Variants in CFAP77 observed in about 807,000 individuals in gnomAD.
CFAP77 encodes cilia and flagella associated protein 77, also known as cilia- and flagella-associated protein 77.
Under a neutral mutation model 31.1 loss-of-function variants are expected in CFAP77, and 25 were observed. The observed-to-expected ratio is 0.80, with a 90% CI of 0.59 to 1.12. The LOEUF (loss-of-function observed/expected upper bound fraction) is 1.12. Among genes scored for constraint, CFAP77 ranks in the 50% most tolerant of loss-of-function variants. CFAP77 has a pLI of 0.00. For synonymous variants in CFAP77, 151 were observed against 159.9 expected (o/e 0.94, Z 0.42); for missense variants, 377 against 397.3 (o/e 0.95, Z 0.44).
At chr9:132,570,788 C>G (rs1243349381) in intron 5 of CFAP77, among the ~76,000 whole-genome samples, 1 of 152,174 alleles carries the variant, frequency 6.6e-6, no homozygotes, top group Admixed American at 6.5e-5. Context: ...GAGGTGTAGG[C>G]AGCACCCTAG....
intron 1 of CFAP77, among the ~76,000 whole-genome samples, chr9:132,458,863 A>G (rs1204519826): frequency 6.6e-6 from 1 of 152,198 alleles, no homozygotes; most frequent in African/African-American, 2.4e-5. Context: ...ATGTGCAAGG[A>G]AATAAAAGGG....
intron 3 of CFAP77, among the ~76,000 whole-genome samples, chr9:132,529,601 C>T (rs1397699688): frequency 2.6e-5 from 4 of 151,088 alleles, no homozygotes; most frequent in Admixed American, 2.6e-4. Context: ...CCGAGGCGGA[C>T]GGATCACGAG....
intron 1 of CFAP77, among the ~76,000 whole-genome samples, chr9:132,485,985 CATATAT>C (rs61265124): frequency 1.8e-3 from 98 of 53,470 alleles, no homozygotes; most frequent in South Asian, 3.4e-3. Flanking sequence ...ACACACACCT[CATATAT>C]ATATATATAT....
chr9:132,434,075 A>G (rs534202002), intron 1 of CFAP77, among the ~76,000 whole-genome samples: 12 of 151,800 alleles, frequency 7.9e-5, no homozygotes, highest in Non-Finnish European at 1.8e-4. Context: ...GGAGGCTGAG[A>G]CTGCAGTGAG....
At chr9:132,449,754 A>G (rs138270334) in intron 1 of CFAP77, among the ~76,000 whole-genome samples, 1 of 152,334 alleles carries the variant, frequency 6.6e-6, no homozygotes, top group African/African-American at 2.4e-5. Context: ...AGGTTCTGCG[A>G]TATCATTTTC....
chr9:132,428,941 C>G (rs1390908970), intron 1 of CFAP77, among the ~76,000 whole-genome samples: 1 of 152,136 alleles, frequency 6.6e-6, no homozygotes, highest in East Asian at 1.9e-4. Flanking sequence ...GGCTTGGGTC[C>G]TGGTCTCTGG....
chr9:132,472,253 T>C (rs908531706), intron 1 of CFAP77, among the ~76,000 whole-genome samples: 2 of 152,206 alleles, frequency 1.3e-5, no homozygotes, highest in African/African-American at 4.8e-5. Flanking sequence ...CTGTCAAATA[T>C]GTGTTGAGTA....
chr9:132,542,852 A>G, intron 4 of CFAP77, 94 bp from the exon 5 acceptor site: 1 of 1,001,424 alleles, frequency 1.0e-6, no homozygotes, highest in Non-Finnish European at 1.6e-6. Context: ...TTGCCACGCC[A>G]AGAATCCCAG....
chr9:132,561,130 A>T (rs1852989711), intron 5 of CFAP77, among the ~76,000 whole-genome samples: 1 of 152,120 alleles, frequency 6.6e-6, no homozygotes, highest in Non-Finnish European at 1.5e-5. Context: ...TCTGTGTTCT[A>T]CCGGAGCCTC....
chr9:132,515,310 G>A (rs1051922735), intron 3 of CFAP77, among the ~76,000 whole-genome samples: 12 of 152,088 alleles, frequency 7.9e-5, no homozygotes, highest in African/African-American at 1.9e-4. Flanking sequence ...TTATTCAGGC[G>A]GAGGCCTGTG....
rs1269880477 is a variant in CFAP77, at chr9:132,455,757, C to G, written c.196-42938C>G. Among the ~76,000 whole-genome samples the G allele has an allele frequency of 6.6e-6, 1 of 151,866 alleles. No homozygotes were observed. Among genetic ancestry groups the G allele is most frequent in the East Asian group, 1.9e-4 (1 of 5,162 alleles). On this transcript the variant is annotated intron_variant, in intron 1 of 5. Coordinates refer to ENST00000393216, the MANE Select transcript of CFAP77 (RefSeq NM_001282957.2). The surrounding 1 kb of genome is among the most constrained non-coding windows in gnomAD (Gnocchi z 4.1). ...AACAAAACAAAACAAAAAAGCAAAA[C>G]GAACCCCAAATGTCTCTCCACTCAG... is the stretch of plus-strand genomic sequence containing the variant.
intron 1 of CFAP77, among the ~76,000 whole-genome samples, chr9:132,428,820 C>CA (rs397738284): frequency 2.0e-5 from 3 of 152,014 alleles, no homozygotes; most frequent in Non-Finnish European, 2.9e-5. Context: ...AGACCCCCCC[C>CA]TGCTCTGCGT....
intron 1 of CFAP77, among the ~76,000 whole-genome samples, chr9:132,438,518 G>GT (rs1334397510): frequency 9.0e-6 from 1 of 111,192 alleles, no homozygotes; most frequent in Non-Finnish European, 1.7e-5. Flanking sequence ...GAACAGATAT[G>GT]GTATATATAT....
rs551647984 is a variant in CFAP77, at chr9:132,444,772, T to G, written c.195+34306T>G. ...AGTAAAATATGCGTGACCTAAAATTTGCCGTCTTACCCATTTTTAATTGTA... is the reference window on the plus strand; with the variant it reads ...AGTAAAATATGCGTGACCTAAAATTGGCCGTCTTACCCATTTTTAATTGTA... On this transcript the variant is annotated intron_variant, in intron 1 of 5. Transcript: ENST00000393216. Among the ~76,000 whole-genome samples, 25 of 152,318 alleles carry G rather than the reference T, an allele frequency of 1.6e-4. No individual in the cohort carries two copies. The South Asian group carries it at 5.0e-3, about 30-fold the overall frequency.
intron 3 of CFAP77, among the ~76,000 whole-genome samples, chr9:132,521,538 C>T (rs947558559): frequency 6.6e-6 from 1 of 152,140 alleles, no homozygotes; most frequent in African/African-American, 2.4e-5. Flanking sequence ...GAACTTCAAA[C>T]ACCTCGCATG....
chr9:132,450,742 T>C (rs1024720414), intron 1 of CFAP77, among the ~76,000 whole-genome samples: 14 of 152,076 alleles, frequency 9.2e-5, no homozygotes, highest in Non-Finnish European at 1.5e-4. Flanking sequence ...AGTGGGGCAG[T>C]GAAATGAACA....
intron 1 of CFAP77, among the ~76,000 whole-genome samples, chr9:132,492,243 G>A (rs1004822513): frequency 2.0e-5 from 3 of 152,220 alleles, no homozygotes; most frequent in South Asian, 4.1e-4. Context: ...AGCTGTGATC[G>A]TGCCCCTGCA....
intron 1 of CFAP77, among the ~76,000 whole-genome samples, chr9:132,437,757 C>T (rs539070653): frequency 1.6e-4 from 24 of 151,264 alleles, no homozygotes; most frequent in Admixed American, 3.3e-4. Context: ...GTGATCTGCC[C>T]GTCTTGGGCT....
At chr9:132,438,541 A>ATATATATATATATATATATTTTTTT in intron 1 of CFAP77, among the ~76,000 whole-genome samples, 1 of 108,152 alleles carries the variant, frequency 9.2e-6, no homozygotes, top group Non-Finnish European at 1.8e-5. Context: ...ATATATATAT[A>ATATATATATATATATATATTTTTTT]TTTTTTTTTT....
Sources: gnomAD v4.1 joint callset for allele counts (sites outside exome capture counted in the v4.1 genomes callset) on GRCh38, gnomAD v4.1.1 for gene constraint, Gnocchi (gnomAD v3.1) non-coding constraint, MANE v1.5 for transcripts, NCBI Gene and HGNC (gene_info 2026-07-23, HGNC 2026-07-21) for gene names.